NFIC: variants seen among roughly 807,000 people sequenced by gnomAD.
NFIC encodes nuclear factor I C.
NFIC carries 12 observed loss-of-function variants against 54.4 expected under a neutral mutation model. The ratio of observed to expected loss-of-function variants is 0.22; its 90% CI spans 0.14 to 0.36. The LOEUF is 0.36. Among genes scored for constraint, NFIC ranks in the 10% least tolerant of loss-of-function variants. The pLI, the probability that NFIC is intolerant of heterozygous loss-of-function variation, is 1.00. For missense variants in NFIC, 575 were observed against 718.2 expected (o/e 0.80, Z 2.28); for synonymous variants, 322 against 319.2 (o/e 1.01, Z -0.09).
rs2121980371 is a variant in NFIC at position 3,465,098 on chromosome 19, A to G, written c.*2329A>G. On this transcript the variant is annotated 3_prime_UTR_variant, in exon 11 of 11. Transcript: ENST00000443272. The stretch of plus-strand genomic sequence containing the variant: ...CGCTGACACACATGCATGGCAGACT[A>G]TCCCTGGCTCTATCTCCCTGTTCCT... 1 of 142,530 alleles carries G rather than the reference A, an allele frequency of 7.0e-6. No homozygotes were observed. Among genetic ancestry groups the G allele is most frequent in the Middle Eastern group, 3.9e-3 (1 of 254 alleles). 8.8% of individuals were successfully genotyped at this position (142,530 alleles called of 1,614,324 possible). A position where few individuals can be genotyped will look rare whatever the true frequency, so the allele number is the denominator to read the frequency against.
intron 6 of NFIC, among the ~76,000 whole-genome samples, chr19:3,446,037 C>T (rs939889104): frequency 5.3e-5 from 8 of 151,476 alleles, no homozygotes; most frequent in Non-Finnish European, 8.8e-5. Context: ...CTACAGAGAC[C>T]GATCTGGCCC....
intron 2 of NFIC, among the ~76,000 whole-genome samples, chr19:3,400,949 G>C (rs1394826689): frequency 6.6e-6 from 1 of 152,246 alleles, no homozygotes; most frequent in Non-Finnish European, 1.5e-5. Context: ...GGGCTGTGCT[G>C]GGGAGGTCCC....
chr19:3,437,240 T>C (rs939297753), intron 6 of NFIC, among the ~76,000 whole-genome samples: 4 of 151,824 alleles, frequency 2.6e-5, no homozygotes, highest in African/African-American at 7.2e-5. Flanking sequence ...TGGCGGCGGG[T>C]GCCTGTAGTC....
At chr19:3,406,507 G>A (rs902177833) in intron 2 of NFIC, among the ~76,000 whole-genome samples, 5 of 151,998 alleles carry the variant, frequency 3.3e-5, no homozygotes, top group Admixed American at 6.6e-5. Context: ...GGATTACAGC[G>A]TGAGCCACTG....
At position 3,382,143 on chromosome 19, in the gene NFIC, T is replaced by C. The variant is rs2145476797; in HGVS notation, c.462T>C (p.Ala154=). 1.9e-6 allele frequency: 3 copies of C among 1,613,328 alleles called. No individual in the cohort carries two copies. Among genetic ancestry groups the C allele is most frequent in the Non-Finnish European group, 2.5e-6 (3 of 1,179,952 alleles). Residue 154 remains alanine (A), a synonymous_variant, in exon 2 of 11, where the codon GCT becomes GCC. Coordinates refer to ENST00000443272, the MANE Select transcript of NFIC (RefSeq NM_001245002.2). ...CCGACGGCGAGCGCCTGGTCAAGGC[T>C]GCGCAGTGCGGTCACCCGGTCCTGT... The part of the protein sequence containing the change: ...ESTDGERLVK[A]AQCGHPVLCV...
chr19:3,368,511 G>A (rs1316616980), intron 1 of NFIC, among the ~76,000 whole-genome samples: 1 of 152,220 alleles, frequency 6.6e-6, no homozygotes, highest in Non-Finnish European at 1.5e-5. Context: ...GCGTGCAAGA[G>A]ACAGAGATGA....
intron 2 of NFIC, among the ~76,000 whole-genome samples, chr19:3,414,323 G>A (rs1455966099): frequency 5.9e-5 from 9 of 152,072 alleles, no homozygotes; most frequent in Non-Finnish European, 8.8e-5. Flanking sequence ...CAGGCCGGGC[G>A]CGGTGGCTCA....
rs560933655 is a variant in NFIC, at chr19:3,379,478, C to T, written c.31-2234C>T. ...CTCCTGCCTCAGCCTCCTGAGTAGCCGGGACTACAGGCGTGTGCCACCATG... is the reference window on the plus strand; with the variant it reads ...CTCCTGCCTCAGCCTCCTGAGTAGCTGGGACTACAGGCGTGTGCCACCATG... On this transcript the variant is annotated intron_variant, in intron 1 of 10. Transcript: ENST00000443272. Among the ~76,000 whole-genome samples the T allele has an allele frequency of 1.3e-4, 20 of 151,490 alleles. No homozygotes were observed. In the East Asian group the frequency reaches 3.5e-3, roughly 26 times the overall value.
chr19:3,411,706 C>A (rs542276078), intron 2 of NFIC, among the ~76,000 whole-genome samples: 1 of 152,208 alleles, frequency 6.6e-6, no homozygotes, highest in African/African-American at 2.4e-5. Flanking sequence ...CTGTGAACCC[C>A]AGGTTTGGGT....
At chr19:3,400,776 A>G (rs934804555) in intron 2 of NFIC, among the ~76,000 whole-genome samples, 1 of 152,216 alleles carries the variant, frequency 6.6e-6, no homozygotes, top group Non-Finnish European at 1.5e-5. Flanking sequence ...CGGAAGGCGG[A>G]GGTTGCAGTG....
In NFIC at chr19:3,449,069, G is replaced by A. The variant is rs761943141; in HGVS notation, c.1014G>A (p.Pro338=). The A allele has an allele frequency of 1.1e-5, 17 of 1,612,802 alleles. No homozygotes were observed. Among genetic ancestry groups the A allele is most frequent in the Middle Eastern group, 1.7e-4 (1 of 6,034 alleles). Residue 338 remains proline, a synonymous_variant, in exon 7 of 11, where the codon CCG becomes CCA. Transcript: ENST00000443272. ...TEMDKSPFNS[P]SPQDSPRLSS... ...TGGACAAGTCACCATTCAACAGCCC[G>A]TCCCCCCAGGACTCTCCCCGCCTCT...
At position 3,414,744 on chromosome 19, in the gene NFIC, C is replaced by T. The variant is rs62125964; in HGVS notation, c.563-10362C>T. The stretch of plus-strand genomic sequence containing the variant: ...GAACCCACGAACTGATTCCAAAACC[C>T]TCCACAGAGAATCTAAAATGCTGCA... On this transcript the variant is annotated intron_variant, in intron 2 of 10. Transcript: ENST00000443272. 2.6e-5 allele frequency among the ~76,000 whole-genome samples: 4 copies of T among 152,140 alleles called. No individual in the cohort carries two copies. The South Asian group carries it at 8.3e-4, about 32-fold the overall frequency.
chr19:3,403,312 C>G (rs1316168835), intron 2 of NFIC, among the ~76,000 whole-genome samples: 1 of 152,204 alleles, frequency 6.6e-6, no homozygotes, highest in African/African-American at 2.4e-5. Flanking sequence ...ATTTAAACCT[C>G]TGGGTTCAAG....
intron 1 of NFIC, among the ~76,000 whole-genome samples, chr19:3,372,227 G>A (rs571204518): frequency 6.6e-6 from 1 of 152,080 alleles, no homozygotes; most frequent in African/African-American, 2.4e-5. Flanking sequence ...CACCATGTTG[G>A]CCAGGCTGGT....
At chr19:3,365,518 G>A (rs1473869751), upstream of NFIC, among the ~76,000 whole-genome samples, 3 of 152,166 alleles carry the variant, frequency 2.0e-5, no homozygotes, top group Non-Finnish European at 2.9e-5. Flanking sequence ...ATGCCCTGGG[G>A]GCTCAGACGG....
intron 10 of NFIC, 66 bp from the exon 11 acceptor site, chr19:3,462,686 A>G: frequency 1.3e-6 from 2 of 1,557,828 alleles, no homozygotes; most frequent in Non-Finnish European, 8.8e-7. Flanking sequence ...TCTGCAGCAG[A>G]GTCTGACCCC....
chr19:3,416,687 G>C (rs932484079), intron 2 of NFIC, among the ~76,000 whole-genome samples: 1 of 150,806 alleles, frequency 6.6e-6, no homozygotes, highest in African/African-American at 2.4e-5. Flanking sequence ...ACCGTGCCCG[G>C]CTAATTTTGT....
At chr19:3,415,441 C>A (rs966730360) in intron 2 of NFIC, among the ~76,000 whole-genome samples, 4 of 151,962 alleles carry the variant, frequency 2.6e-5, no homozygotes, top group Non-Finnish European at 4.4e-5. Context: ...GGTTCTTTCT[C>A]GACTCAATCC....
chr19:3,422,137 T>C (rs1015306430), intron 2 of NFIC, among the ~76,000 whole-genome samples: 2 of 152,096 alleles, frequency 1.3e-5, no homozygotes, highest in South Asian at 2.1e-4. Flanking sequence ...GGTTTCACCA[T>C]GTTGATCAGG....
Sources: allele counts gnomAD v4.1 joint callset (sites outside exome capture counted in the v4.1 genomes callset), GRCh38; gene constraint gnomAD v4.1.1; transcripts MANE v1.5; gene names NCBI Gene and HGNC (gene_info 2026-07-23, HGNC 2026-07-21).